Variants in FBXW10B observed in about 807,000 individuals in gnomAD.
The protein encoded by FBXW10B is F-box and WD repeat domain containing 10B.
chr17:15,582,128 A>G, the FBXW10B span, among the ~76,000 whole-genome samples: 1 of 150,020 alleles, frequency 6.7e-6, no homozygotes, highest in Non-Finnish European at 1.5e-5. Context: ...GATGCTTTCA[A>G]AAATCCATCT....
At chr17:15,614,345 C>T in the FBXW10B span, among the ~76,000 whole-genome samples, 6 of 152,044 alleles carry the variant, frequency 3.9e-5, no homozygotes, top group East Asian at 1.9e-4. Context: ...CCCGCCACCA[C>T]GCCCGACTAA....
chr17:15,607,870 A>C, the FBXW10B span, among the ~76,000 whole-genome samples: 2 of 149,334 alleles, frequency 1.3e-5, no homozygotes, highest in Admixed American at 6.6e-5. Flanking sequence ...GAGTTAGAAA[A>C]TGTTGGGTCA....
the FBXW10B span, among the ~76,000 whole-genome samples, chr17:15,617,302 G>A: frequency 1.3e-5 from 2 of 152,018 alleles, no homozygotes; most frequent in Admixed American, 1.3e-4. Context: ...ATGACCACCT[G>A]TCAGGTCGCA....
chr17:15,605,166 T>C, the FBXW10B span: 229 of 1,582,780 alleles, frequency 1.4e-4, no homozygotes, highest in Admixed American at 1.2e-3. Context: ...ACTTCTTCCA[T>C]GAGCTGCCTC....
chr17:15,585,868 T>C, the FBXW10B span, among the ~76,000 whole-genome samples: 1 of 152,246 alleles, frequency 6.6e-6, no homozygotes, highest in Non-Finnish European at 1.5e-5. Flanking sequence ...TGGTAGCCAC[T>C]GCTTTGATTG....
At chr17:15,598,918 T>A in the FBXW10B span, 1 of 430,636 alleles carries the variant, frequency 2.3e-6, no homozygotes, top group Non-Finnish European at 4.2e-6. Context: ...GGCTCACCCC[T>A]GTAATCCCAA....
chr17:15,594,794 T>TGC, the FBXW10B span: 1 of 1,613,878 alleles, frequency 6.2e-7, no homozygotes, highest in Admixed American at 1.7e-5. Context: ...TTCCCCACCA[T>TGC]GCTCCAGGCC....
the FBXW10B span, chr17:15,596,501 A>G: frequency 1.9e-6 from 3 of 1,567,268 alleles, no homozygotes; most frequent in East Asian, 2.3e-5. Context: ...AAGGTAGCCC[A>G]CTGCCCACTT....
chr17:15,601,271 T>A, the FBXW10B span, among the ~76,000 whole-genome samples: 1 of 147,590 alleles, frequency 6.8e-6, no homozygotes, highest in Non-Finnish European at 1.5e-5. Context: ...TAGCCAGGCG[T>A]GGTGGTGGGC....
chr17:15,593,328 A>G, the FBXW10B span: 3 of 1,613,892 alleles, frequency 1.9e-6, no homozygotes, highest in Non-Finnish European at 2.5e-6. Context: ...CTCCACACCT[A>G]CCACCCACCT....
the FBXW10B span, chr17:15,615,921 T>G: frequency 6.8e-7 from 1 of 1,467,244 alleles, no homozygotes; most frequent in Non-Finnish European, 9.1e-7. Context: ...ATGTACAGAA[T>G]GGACCAGAGC....
chr17:15,614,766 A>C, the FBXW10B span, among the ~76,000 whole-genome samples: 1 of 152,098 alleles, frequency 6.6e-6, no homozygotes, highest in African/African-American at 2.4e-5. Flanking sequence ...TTCCATATAA[A>C]AGTGTTTTAG....
chr17:15,619,348 C>A, the FBXW10B span: 3 of 1,613,822 alleles, frequency 1.9e-6, no homozygotes, highest in Non-Finnish European at 2.5e-6. Context: ...CAACTAGAAA[C>A]CTCCTCTGTG....
the FBXW10B span, among the ~76,000 whole-genome samples, chr17:15,595,630 G>A: frequency 6.6e-6 from 1 of 152,102 alleles, no homozygotes; most frequent in African/African-American, 2.4e-5. Context: ...CCGCTGGATT[G>A]GCCATAGTGA....
the FBXW10B span, among the ~76,000 whole-genome samples, chr17:15,585,344 T>A: frequency 1.3e-5 from 2 of 151,306 alleles, no homozygotes; most frequent in East Asian, 3.9e-4. Context: ...TAAAATTTTT[T>A]AAAAAAACCT....
At chr17:15,582,093 T>C in the FBXW10B span, among the ~76,000 whole-genome samples, 1 of 151,506 alleles carries the variant, frequency 6.6e-6, no homozygotes, top group Non-Finnish European at 1.5e-5. Flanking sequence ...TATGTGTGTG[T>C]GCCTGTGTGC....
the FBXW10B span, chr17:15,612,739 T>C: frequency 6.2e-7 from 1 of 1,613,958 alleles, no homozygotes; most frequent in Non-Finnish European, 8.5e-7. Flanking sequence ...TTCACACGCA[T>C]GCTCTTCCCG....
the FBXW10B span, among the ~76,000 whole-genome samples, chr17:15,614,349 C>T: frequency 6.6e-6 from 1 of 152,000 alleles, no homozygotes; most frequent in African/African-American, 2.4e-5. Context: ...CCACCACGCC[C>T]GACTAATTTT....
At chr17:15,601,330 A>T in the FBXW10B span, among the ~76,000 whole-genome samples, 1 of 148,034 alleles carries the variant, frequency 6.8e-6, no homozygotes, top group Non-Finnish European at 1.5e-5. Context: ...AATGGCGTGA[A>T]CCCAGGAGGC....
Sources: allele counts gnomAD v4.1 joint callset (sites outside exome capture counted in the v4.1 genomes callset), GRCh38; gene constraint gnomAD v4.1.1; transcripts MANE v1.5; gene names NCBI Gene and HGNC (gene_info 2026-07-23, HGNC 2026-07-21).